Variants in GRID1 observed in about 807,000 individuals in gnomAD.
GRID1 encodes glutamate ionotropic receptor delta type subunit 1, also known as glutamate receptor ionotropic, delta-1.
In GRID1, 28 loss-of-function variants were observed where a neutral mutation model predicts 98.0. The ratio of observed to expected loss-of-function variants is 0.29; its 90% CI spans 0.21 to 0.39. GRID1 has a LOEUF of 0.39. GRID1 is among the 10% of genes least tolerant of loss of function. The pLI, the probability that GRID1 is intolerant of heterozygous loss-of-function variation, is 1.00. For missense variants in GRID1, 1,111 were observed against 1,340.5 expected (o/e 0.83, Z 2.67); for synonymous variants, 553 against 538.5 (o/e 1.03, Z -0.37).
intron 12 of GRID1, among the ~76,000 whole-genome samples, chr10:85,686,279 G>T (rs1002544196): frequency 6.6e-6 from 1 of 152,106 alleles, no homozygotes. Flanking sequence ...CAAAGTCCAT[G>T]GACTTTACAG....
chr10:86,175,486 A>T (rs867806642), intron 3 of GRID1, among the ~76,000 whole-genome samples: 1 of 151,912 alleles, frequency 6.6e-6, no homozygotes, highest in South Asian at 2.1e-4. Context: ...CATATGACCT[A>T]GCCAGCTGGC....
intron 2 of GRID1, among the ~76,000 whole-genome samples, chr10:86,298,590 G>C (rs908556036): frequency 2.6e-5 from 4 of 152,126 alleles, no homozygotes; most frequent in African/African-American, 9.7e-5. Flanking sequence ...GCTTCTCCTG[G>C]GGTGGCTGAA....
chr10:86,009,201 G>A (rs1200812747), intron 4 of GRID1, among the ~76,000 whole-genome samples: 3 of 152,138 alleles, frequency 2.0e-5, no homozygotes, highest in Admixed American at 6.5e-5. Flanking sequence ...GACAAATGCT[G>A]TGATCTCATC....
chr10:85,677,063 T>C (rs969183326), intron 12 of GRID1, among the ~76,000 whole-genome samples: 2 of 152,192 alleles, frequency 1.3e-5, no homozygotes, highest in African/African-American at 4.8e-5. Context: ...CTAAACTCTC[T>C]TGATGATTTG....
intron 4 of GRID1, among the ~76,000 whole-genome samples, chr10:85,970,659 G>A (rs1349186640): frequency 6.6e-6 from 1 of 151,982 alleles, no homozygotes; most frequent in African/African-American, 2.4e-5. Context: ...CAACGAATTA[G>A]GAATAGAAGA....
chr10:86,283,536 C>A (rs1411200243), intron 2 of GRID1, among the ~76,000 whole-genome samples: 2 of 136,918 alleles, frequency 1.5e-5, no homozygotes, highest in African/African-American at 2.8e-5. Context: ...ATGACACACA[C>A]ACACACACCT....
chr10:85,877,291 G>C (rs764371620), intron 5 of GRID1, among the ~76,000 whole-genome samples: 4 of 152,320 alleles, frequency 2.6e-5, no homozygotes, highest in Middle Eastern at 6.8e-3. Flanking sequence ...ATCTGAGAAC[G>C]GGCAGACTGC....
At chr10:85,865,963 AGAGAGAG>A (rs1843216256) in intron 6 of GRID1, among the ~76,000 whole-genome samples, 1 of 6,426 alleles carries the variant, frequency 1.6e-4, no homozygotes, top group South Asian at 3.2e-3. Flanking sequence ...ATGGAGAGAG[AGAGAGAG>A]AGAGAGAGAG....
chr10:86,061,996 C>T (rs938961024), intron 4 of GRID1, among the ~76,000 whole-genome samples: 1 of 152,204 alleles, frequency 6.6e-6, no homozygotes, highest in African/African-American at 2.4e-5. Context: ...TTAGACACCC[C>T]TATGGACATC....
chr10:86,216,015 A>C (rs79243161), intron 2 of GRID1, among the ~76,000 whole-genome samples: 1 of 152,202 alleles, frequency 6.6e-6, no homozygotes, highest in East Asian at 1.9e-4. Flanking sequence ...GCACGTGCTG[A>C]TTCCCTTTTC....
At chr10:86,188,562 C>T (rs1057239162) in intron 3 of GRID1, among the ~76,000 whole-genome samples, 3 of 152,198 alleles carry the variant, frequency 2.0e-5, no homozygotes, top group African/African-American at 7.2e-5. Flanking sequence ...CCAAGGCATA[C>T]AGGAAGAATG....
intron 4 of GRID1, among the ~76,000 whole-genome samples, chr10:86,109,878 C>T (rs1315770743): frequency 1.3e-5 from 2 of 152,202 alleles, no homozygotes; most frequent in Middle Eastern, 3.4e-3. Context: ...CTTCAGTGTC[C>T]TCAGTTACAG....
chr10:86,327,202 G>A (rs1848063498), intron 2 of GRID1, among the ~76,000 whole-genome samples: 1 of 152,140 alleles, frequency 6.6e-6, no homozygotes, highest in Non-Finnish European at 1.5e-5. Flanking sequence ...ACCTTTGTTG[G>A]ACATCCTTAC....
chr10:85,634,285 T>TCTCTCTCTCTC (rs1843010369), intron 13 of GRID1, among the ~76,000 whole-genome samples: 1 of 140,074 alleles, frequency 7.1e-6, no homozygotes, highest in Non-Finnish European at 1.5e-5. Context: ...TCTCTCTCTC[T>TCTCTCTCTCTC]CTCTCTCACA....
intron 2 of GRID1, among the ~76,000 whole-genome samples, chr10:86,301,436 C>T (rs1369808880): frequency 6.6e-6 from 1 of 152,256 alleles, no homozygotes; most frequent in Non-Finnish European, 1.5e-5. Context: ...AATTACACAG[C>T]ATTATCTTTC....
rs562042556 is a variant in GRID1 at position 85,686,947 on chromosome 10, T to C, written c.1997+36056A>G. 3.3e-5 allele frequency among the ~76,000 whole-genome samples: 5 copies of C among 152,180 alleles called. No individual in the cohort carries two copies. The South Asian group carries it at 1.0e-3, about 32-fold the overall frequency. On this transcript the variant is annotated intron_variant, in intron 12 of 15. Coordinates refer to ENST00000327946, the MANE Select transcript of GRID1 (RefSeq NM_017551.3). ...TGATTATGGTTACAAAGAAGAAATA[T>C]ACATTCATAATTTTTGTAACATAAA... is the stretch of plus-strand genomic sequence containing the variant.
At chr10:85,988,507 T>C (rs1842639445) in intron 4 of GRID1, among the ~76,000 whole-genome samples, 1 of 152,168 alleles carries the variant, frequency 6.6e-6, no homozygotes, top group South Asian at 2.1e-4. Flanking sequence ...GAAAGTCTGC[T>C]CCCCAACCTG....
chr10:86,089,339 C>T (rs4388824), intron 4 of GRID1, among the ~76,000 whole-genome samples: 3 of 152,162 alleles, frequency 2.0e-5, no homozygotes, highest in African/African-American at 7.2e-5. Flanking sequence ...GAACCTCCAC[C>T]TCAGGTTTCA....
chr10:86,261,763 G>C (rs1310409311), intron 2 of GRID1, among the ~76,000 whole-genome samples: 2 of 148,634 alleles, frequency 1.3e-5, no homozygotes, highest in East Asian at 3.9e-4. Context: ...GGGGCATTGA[G>C]GTGGCACACA....
Sources: gnomAD v4.1 joint callset for allele counts (sites outside exome capture counted in the v4.1 genomes callset) on GRCh38, gnomAD v4.1.1 for gene constraint, MANE v1.5 for transcripts, NCBI Gene and HGNC (gene_info 2026-07-23, HGNC 2026-07-21) for gene names.